RAB24: variants seen among roughly 807,000 people sequenced by gnomAD.
RAB24 encodes RAB24, member RAS oncogene family.
RAB24 carries 9 observed loss-of-function variants against 31.4 expected under a neutral mutation model. That is an observed-to-expected ratio of 0.29 (90% CI 0.17 to 0.50). The LOEUF (loss-of-function observed/expected upper bound fraction) is 0.50, where lower values mean the gene tolerates loss of function less well. Among genes scored for constraint, RAB24 ranks in the 20% least tolerant of loss-of-function variants. RAB24 has a pLI of 0.98. For missense variants in RAB24, 197 were observed against 265.2 expected (o/e 0.74, Z 1.79); for synonymous variants, 106 against 94.1 (o/e 1.13, Z -0.73).
rs1255277832 is a variant in RAB24, at chr5:177,302,345, C to A, written c.433+52G>T. The A allele has an allele frequency of 5.6e-5, 89 of 1,599,782 alleles. 1 individual carries two copies. In the Middle Eastern group the frequency reaches 6.6e-4, roughly 12 times the overall value. On this transcript the variant is annotated intron_variant, in intron 5 of 7. Coordinates refer to ENST00000303251, the MANE Select transcript of RAB24 (RefSeq NM_001031677.4). The stretch of plus-strand genomic sequence containing the variant: ...CAAGGCAGTCCCTATTTTCTTTGAT[C>A]CACCCAGACAGCCACACACCCCCAC...
Position 177,303,522 on chromosome 5 carries a change from A to C in RAB24, c.-234T>G. The C allele has an allele frequency of 8.6e-6, 5 of 578,930 alleles. No homozygotes were observed. Among genetic ancestry groups the C allele is most frequent in the Non-Finnish European group, 1.2e-5 (4 of 323,868 alleles). The allele number at this position is 578,930 out of a possible 1,614,324, so 35.9% of individuals were successfully genotyped here. ...GCGCCGATTATCCTTCGAAGACCCC[A>C]AGCCTCGGGGCGGCCTGGGAGCGCG... is the stretch of plus-strand genomic sequence containing the variant. On this transcript the variant is annotated 5_prime_UTR_variant, in exon 1 of 8. Coordinates refer to ENST00000303251, the MANE Select transcript of RAB24 (RefSeq NM_001031677.4). The surrounding 1 kb of genome is among the most constrained non-coding windows in gnomAD (Gnocchi z 6.1).
At position 177,301,705 on chromosome 5, in the gene RAB24, G is replaced by GA. The variant is rs763569193; in HGVS notation, c.*37dup. On this transcript the variant is annotated 3_prime_UTR_variant, in exon 8 of 8. Coordinates refer to ENST00000303251, the MANE Select transcript of RAB24 (RefSeq NM_001031677.4). Reference sequence around the variant, plus strand: ...AGGAGCTGGGTCCAGCCCTTACGGGGAATTCCTTTAATTCCCCCAGGCCAG... The same window carrying GA: ...AGGAGCTGGGTCCAGCCCTTACGGGGAAATTCCTTTAATTCCCCCAGGCCAG... 4 of 1,609,254 alleles carry GA rather than the reference G, an allele frequency of 2.5e-6. No individual in the cohort carries two copies. In the East Asian group the frequency reaches 8.9e-5, roughly 36 times the overall value.
In RAB24 at chr5:177,301,686, T is replaced by C; in HGVS notation, c.*57A>G. 6 of 1,593,734 alleles carry C rather than the reference T, an allele frequency of 3.8e-6. No homozygotes were observed. The South Asian group carries it at 5.5e-5, about 15-fold the overall frequency. ...TGACTACCCAAGCCCAGAAAGGAGC[T>C]GGGTCCAGCCCTTACGGGGAATTCC... On this transcript the variant is annotated 3_prime_UTR_variant, in exon 8 of 8. Transcript: ENST00000303251.
At position 177,303,370 on chromosome 5, in the gene RAB24, G is replaced by A; in HGVS notation, c.-82C>T. ...CCGATCTCCGCTCGGCCCAGGCAGC[G>A]CCCAAGCCTCAGACCCCGACCCCAA... On this transcript the variant is annotated 5_prime_UTR_variant, in exon 1 of 8. Coordinates refer to ENST00000303251, the MANE Select transcript of RAB24 (RefSeq NM_001031677.4). This position sits in a 1 kb window ranked among gnomAD's most constrained non-coding sequence, Gnocchi z 6.1. The A allele has an allele frequency of 7.1e-7, 1 of 1,409,154 alleles. No individual in the cohort carries two copies. Among genetic ancestry groups the A allele is most frequent in the South Asian group, 1.2e-5 (1 of 84,838 alleles). 87.3% of individuals were successfully genotyped at this position (1,409,154 alleles called of 1,614,324 possible). A position where few individuals can be genotyped will look rare whatever the true frequency, so the allele number is the denominator to read the frequency against.
At chr5:177,302,705 G>A in intron 3 of RAB24, 47 bp downstream of exon 3, 1 of 1,612,144 alleles carries the variant, frequency 6.2e-7, no homozygotes, top group Non-Finnish European at 8.5e-7. Flanking sequence ...GGCTAGCCTG[G>A]CACCCATCTT....
In RAB24 at chr5:177,303,389, A is replaced by G; in HGVS notation, c.-101T>C. 2.6e-6 allele frequency: 3 copies of G among 1,173,684 alleles called. No individual in the cohort carries two copies. Among genetic ancestry groups the G allele is most frequent in the African/African-American group, 3.0e-5 (2 of 66,390 alleles). The allele number at this position is 1,173,684 out of a possible 1,614,324, so 72.7% of individuals were successfully genotyped here. On this transcript the variant is annotated 5_prime_UTR_variant, in exon 1 of 8. Coordinates refer to ENST00000303251, the MANE Select transcript of RAB24 (RefSeq NM_001031677.4). The surrounding 1 kb of genome is among the most constrained non-coding windows in gnomAD (Gnocchi z 6.1). ...GGCAGCGCCCAAGCCTCAGACCCCG[A>G]CCCCAAACGGCGCCAACCTACGACT...
Position 177,303,707 on chromosome 5 carries a change from G to T in RAB24, c.-419C>A. On this transcript the variant is annotated 5_prime_UTR_variant, in exon 1 of 8. Transcript: ENST00000303251. This position sits in a 1 kb window ranked among gnomAD's most constrained non-coding sequence, Gnocchi z 6.1. Reference sequence around the variant, plus strand: ...ACCCGCAGCGCCGCGACTCCCGCGGGAGGGGGCTAGAGGGCGAGGGGGCGG... The same window carrying T: ...ACCCGCAGCGCCGCGACTCCCGCGGTAGGGGGCTAGAGGGCGAGGGGGCGG... The T allele has an allele frequency of 2.8e-6, 1 of 357,494 alleles. No individual in the cohort carries two copies. Among genetic ancestry groups the T allele is most frequent in the East Asian group, 4.8e-5 (1 of 20,748 alleles). The allele number at this position is 357,494 out of a possible 1,614,324, so 22.1% of individuals were successfully genotyped here. A position where few individuals can be genotyped will look rare whatever the true frequency, so the allele number is the denominator to read the frequency against.
Position 177,301,907 on chromosome 5 carries a change from G to A in RAB24, c.547+18C>T. The A allele has an allele frequency of 6.2e-7, 1 of 1,613,872 alleles. No individual in the cohort carries two copies. Among genetic ancestry groups the A allele is most frequent in the Non-Finnish European group, 8.5e-7 (1 of 1,179,724 alleles). On this transcript the variant is annotated intron_variant, in intron 7 of 7. Transcript: ENST00000303251. ...TGGGCCTAGAGTAAGTCTCCATAAA[G>A]GCTGGGGAAGCACACACCTGTCATC... is the stretch of plus-strand genomic sequence containing the variant.
In RAB24 at chr5:177,302,660, G is replaced by T. The variant is rs1233232657; in HGVS notation, c.266-16C>A. ...TCTGTGAGGTCTTGGTGTGCGGCAT[G>T]CAGGAGACAACCAAGTGGTCAAGGG... On this transcript the variant is annotated splice_polypyrimidine_tract_variant and intron_variant, in intron 3 of 7. Transcript: ENST00000303251. The T allele has an allele frequency of 1.2e-6, 2 of 1,613,936 alleles. No homozygotes were observed. Among genetic ancestry groups the T allele is most frequent in the Non-Finnish European group, 1.7e-6 (2 of 1,180,004 alleles).
chr5:177,302,392 G>A lies in RAB24; in HGVS notation c.433+5C>T, dbSNP rs1272031899. ...CCACCCCCCAAAGGGCTGAGGAGCA[G>A]CTACTGTCTGCATAGTCCTGGACGT... On this transcript the variant is annotated splice_donor_5th_base_variant and intron_variant, in intron 5 of 7. Transcript: ENST00000303251. 2 of 1,613,112 alleles carry A rather than the reference G, an allele frequency of 1.2e-6. No individual in the cohort carries two copies. The highest frequency in any genetic ancestry group is 2.7e-5 in the African/African-American group (2 of 75,014).
At position 177,301,825 on chromosome 5, in the gene RAB24, G is replaced by A. The variant is rs368983564; in HGVS notation, c.548-18C>T. 2 of 1,614,070 alleles carry A rather than the reference G, an allele frequency of 1.2e-6. No homozygotes were observed. Among genetic ancestry groups the A allele is most frequent in the African/African-American group, 1.3e-5 (1 of 74,932 alleles). ...CTTGTCCTCTGTCAAAAAGAGAGGT[G>A]GCAGCTCAGCACCATTCTGTTGGGA... On this transcript the variant is annotated intron_variant, in intron 7 of 7. Transcript: ENST00000303251.
rs765507402 is a variant in RAB24 at position 177,303,092 on chromosome 5, A to G, written c.118-15T>C. On this transcript the variant is annotated splice_polypyrimidine_tract_variant and intron_variant, in intron 1 of 7. Coordinates refer to ENST00000303251, the MANE Select transcript of RAB24 (RefSeq NM_001031677.4). This position sits in a 1 kb window ranked among gnomAD's most constrained non-coding sequence, Gnocchi z 6.1. The stretch of plus-strand genomic sequence containing the variant: ...GCCCCGATGGTCTGCAACGAGAGGG[A>G]AGAGATCGGGGCCATAGGTGCAGAT... 1.9e-6 allele frequency: 3 copies of G among 1,613,998 alleles called. No homozygotes were observed. The highest frequency in any genetic ancestry group is 2.2e-5 in the South Asian group (2 of 91,080).
Position 177,302,435 on chromosome 5 carries a change from C to T in RAB24, c.395G>A (p.Arg132Gln). 2.5e-6 allele frequency: 4 copies of T among 1,613,638 alleles called. No individual in the cohort carries two copies. Among genetic ancestry groups the T allele is most frequent in the Non-Finnish European group, 2.5e-6 (3 of 1,180,024 alleles). ...CTGGACGTCGTGGAAGTCCACACGTCGACGCCTCCGGTCTTCTTCCAGCAG... is the reference window on the plus strand; with the variant it reads ...CTGGACGTCGTGGAAGTCCACACGTTGACGCCTCCGGTCTTCTTCCAGCAG... The part of the protein sequence containing the change: ...SDLLEEDRRR[R>Q]RVDFHDVQDY... The change falls in exon 5 of 8, where the codon CGA (arginine) becomes CAA (glutamine). Residue 132 changes from arginine to glutamine, a missense_variant. Physicochemically the swap from Arg to Gln is conservative, Grantham distance 43 (BLOSUM62 1). This residue lies in a region of RAB24 where 148 missense variants were observed against 159.7 expected (regional missense o/e 0.93). Coordinates refer to ENST00000303251, the MANE Select transcript of RAB24 (RefSeq NM_001031677.4).
Position 177,301,724 on chromosome 5 carries a change from A to G in RAB24, c.*19T>C, listed in dbSNP as rs1209242729. 1 of 1,613,854 alleles carries G rather than the reference A, an allele frequency of 6.2e-7. No individual in the cohort carries two copies. Among genetic ancestry groups the G allele is most frequent in the Admixed American group, 1.7e-5 (1 of 60,020 alleles). On this transcript the variant is annotated 3_prime_UTR_variant, in exon 8 of 8. Coordinates refer to ENST00000303251, the MANE Select transcript of RAB24 (RefSeq NM_001031677.4). Reference sequence around the variant, plus strand: ...TACGGGGAATTCCTTTAATTCCCCCAGGCCAGGTGAGTGCTGACTCAGTGA... The same window carrying G: ...TACGGGGAATTCCTTTAATTCCCCCGGGCCAGGTGAGTGCTGACTCAGTGA...
In RAB24 at chr5:177,302,617, C is replaced by T. The variant is rs1309133178; in HGVS notation, c.293G>A (p.Arg98Gln). ...YDLTDSSSFE[R>Q]AKFWVKELRS... Reference sequence around the variant, plus strand: ...CAGTTCCTTCACCCAGAACTTTGCTCGCTCAAAGCTGCTGCTGTCTGTGAG... The same window carrying T: ...CAGTTCCTTCACCCAGAACTTTGCTTGCTCAAAGCTGCTGCTGTCTGTGAG... The change falls in exon 4 of 8, where the codon CGA (arginine) becomes CAA (glutamine). Residue 98 changes from arginine (R) to glutamine (Q), a missense_variant. Around this residue, in one of 2 missense-constraint regions of RAB24, gnomAD observed 148 missense variants for 159.7 expected, o/e 0.93. Transcript: ENST00000303251. The T allele has an allele frequency of 1.2e-6, 2 of 1,614,118 alleles. No homozygotes were observed. The highest frequency in any genetic ancestry group is 1.3e-5 in the African/African-American group (1 of 75,020).
rs1192444320 is a variant in RAB24 at position 177,303,661 on chromosome 5, G to A, written c.-373C>T. 2.8e-5 allele frequency: 11 copies of A among 387,514 alleles called. No individual in the cohort carries two copies. The East Asian group carries it at 3.2e-4, about 11-fold the overall frequency. The allele number at this position is 387,514 out of a possible 1,614,324, so 24.0% of individuals were successfully genotyped here. ...GCTGGGAATCCCAACCGAACCTGGGGTCTCCCGCAACCCGGCTCCTACCCG... is the reference window on the plus strand; with the variant it reads ...GCTGGGAATCCCAACCGAACCTGGGATCTCCCGCAACCCGGCTCCTACCCG... On this transcript the variant is annotated 5_prime_UTR_variant, in exon 1 of 8. Coordinates refer to ENST00000303251, the MANE Select transcript of RAB24 (RefSeq NM_001031677.4). This position sits in a 1 kb window ranked among gnomAD's most constrained non-coding sequence, Gnocchi z 6.1.
rs1760756645 is a variant in RAB24 at position 177,303,474 on chromosome 5, G to GT, written c.-187dup. On this transcript the variant is annotated 5_prime_UTR_variant, in exon 1 of 8. Transcript: ENST00000303251. The surrounding 1 kb of genome is among the most constrained non-coding windows in gnomAD (Gnocchi z 6.1). Reference sequence around the variant, plus strand: ...GCCTTGCACTTCGGCAGCGCCCCGTGTGCCCCCGCTGTTCGGCCCCGGGCG... The same window carrying GT: ...GCCTTGCACTTCGGCAGCGCCCCGTGTTGCCCCCGCTGTTCGGCCCCGGGCG... 5 of 617,200 alleles carry GT rather than the reference G, an allele frequency of 8.1e-6. No homozygotes were observed. Among genetic ancestry groups the GT allele is most frequent in the Non-Finnish European group, 1.4e-5 (5 of 351,506 alleles). 38.2% of individuals were successfully genotyped at this position (617,200 alleles called of 1,614,324 possible).
intron 2 of RAB24, 25 bp from the exon 3 acceptor site, chr5:177,302,855 CT>C: frequency 6.2e-7 from 1 of 1,609,592 alleles, no homozygotes; most frequent in South Asian, 1.1e-5. Context: ...CTGAGTCAAA[CT>C]TAAGGCCACG....
chr5:177,302,479 T>G lies in RAB24; in HGVS notation c.351A>C (p.Leu117Phe). Residue 117 changes from leucine (L) to phenylalanine (F), a missense_variant, in exon 5 of 8, where the codon TTA becomes TTC. By Grantham distance (22) the Leu-to-Phe change is conservative. Transcript: ENST00000303251. ...RSLEEGCQIY[L>F]CGTKSDLLEE... is the part of the protein sequence containing the mutation. ...CCAGCAGGTCACTCTTGGTGCCACA[T>G]AAGTAGATTTGGCAGCCCTGAGGCA... 1 of 1,613,978 alleles carries G rather than the reference T, an allele frequency of 6.2e-7. No individual in the cohort carries two copies. The highest frequency in any genetic ancestry group is 2.2e-5 in the East Asian group (1 of 44,884).
Sources: gnomAD v4.1 joint callset for allele counts on GRCh38, gnomAD v4.1.1 for gene constraint, gnomAD v4.1.1 regional missense constraint, Gnocchi (gnomAD v3.1) non-coding constraint, MANE v1.5 for transcripts, NCBI Gene and HGNC (gene_info 2026-07-23, HGNC 2026-07-21) for gene names.